The following KLHL31 variants were observed in gnomAD, a reference collection of about 807,000 sequenced individuals.
The protein encoded by KLHL31 is kelch-like protein 31.
Under a neutral mutation model 47.1 loss-of-function variants are expected in KLHL31, and 32 were observed. The ratio of observed to expected loss-of-function variants is 0.68; its 90% CI spans 0.51 to 0.91. KLHL31 has a LOEUF of 0.91. KLHL31 is among the 40% of genes least tolerant of loss of function. The probability of loss-of-function intolerance (pLI) is 0.00; values close to 1 mark genes in which losing one functional copy is unlikely to be tolerated. For synonymous variants in KLHL31, 330 were observed against 325.1 expected (o/e 1.01, Z -0.16); for missense variants, 797 against 819.3 (o/e 0.97, Z 0.33).
intron 1 of KLHL31, among the ~76,000 whole-genome samples, chr6:53,660,595 C>T (rs1050221508): frequency 1.3e-5 from 2 of 152,166 alleles, no homozygotes; most frequent in African/African-American, 4.8e-5. Flanking sequence ...GGGTGGATCA[C>T]TTGAGGCCAG....
At position 53,652,243 on chromosome 6, in the gene KLHL31, G is replaced by C. The variant is rs377599975; in HGVS notation, c.1260C>G (p.Leu420=). 1.5e-4 allele frequency: 248 copies of C among 1,613,908 alleles called. No homozygotes were observed. Among genetic ancestry groups the C allele is most frequent in the Non-Finnish European group, 1.9e-4 (222 of 1,180,050 alleles). The change falls in exon 3 of 3, where the codon CTC becomes CTG. Residue 420 remains leucine (L), a synonymous_variant. Transcript: ENST00000370905. ...CGTTGCGGCCGCCCGCGGCGTACAC[G>C]AGCCCGTTGAACACGCTCAGGCTGA... The part of the protein sequence containing the change: ...THFSLSVFNG[L]VYAAGGRNAE...
chr6:53,660,784 T>C (rs1764633217), intron 1 of KLHL31, among the ~76,000 whole-genome samples: 1 of 152,196 alleles, frequency 6.6e-6, no homozygotes, highest in African/African-American at 2.4e-5. Flanking sequence ...ACCACTGCCC[T>C]CCAGCCTGGG....
At chr6:53,663,762 T>C (rs1239936403) in intron 1 of KLHL31, among the ~76,000 whole-genome samples, 1 of 152,208 alleles carries the variant, frequency 6.6e-6, no homozygotes, top group African/African-American at 2.4e-5. Context: ...TCTTTCCTAG[T>C]ATTTTGTGTG....
intron 1 of KLHL31, among the ~76,000 whole-genome samples, chr6:53,661,397 GCAAACA>G (rs1440145433): frequency 6.6e-6 from 1 of 152,100 alleles, no homozygotes; most frequent in Non-Finnish European, 1.5e-5. Flanking sequence ...CACACTGGGT[GCAAACA>G]AACACACACC....
In KLHL31 at chr6:53,652,114, G is replaced by A. The variant is rs761430836; in HGVS notation, c.1389C>T (p.Val463=). 6.2e-7 allele frequency: 1 copy of A among 1,600,960 alleles called. No individual in the cohort carries two copies. The highest frequency in any genetic ancestry group is 1.1e-5 in the South Asian group (1 of 90,866). The change falls in exon 3 of 3, where the codon GTC becomes GTT. Residue 463 remains valine, a synonymous_variant. Transcript: ENST00000370905. ...CGGTCACCAGCACGCGGCCGTCGGCGACCGCGCTAGCGTGGCAGCAGCGCG... is the reference window on the plus strand; with the variant it reads ...CGGTCACCAGCACGCGGCCGTCGGCAACCGCGCTAGCGTGGCAGCAGCGCG... ...EVARCCHASA[V]ADGRVLVTGG...
At chr6:53,663,120 G>C (rs971061892) in intron 1 of KLHL31, among the ~76,000 whole-genome samples, 7 of 152,184 alleles carry the variant, frequency 4.6e-5, no homozygotes, top group Non-Finnish European at 8.8e-5. Context: ...AAGTAAGTGT[G>C]CAGTGTGTGC....
rs758530175 is a variant in KLHL31 at position 53,654,698 on chromosome 6, T to C, written c.575A>G (p.Gln192Arg). Residue 192 changes from glutamine to arginine, a missense_variant, in exon 2 of 3, where the codon CAG (glutamine) becomes CGG (arginine). Physicochemically the swap from Gln to Arg is conservative, Grantham distance 43. Coordinates refer to ENST00000370905, the MANE Select transcript of KLHL31 (RefSeq NM_001003760.5). ...AAGGAAGTTATCCCGAATAAATTTC[T>C]GGGCTGCTGCTTTTGCATTTTTTAG... ...YSLKNAKAAA[Q>R]KFIRDNFLEF... is the part of the protein sequence containing the mutation. 6.8e-6 allele frequency: 11 copies of C among 1,614,110 alleles called. No homozygotes were observed. Among genetic ancestry groups the C allele is most frequent in the Non-Finnish European group, 8.5e-6 (10 of 1,180,048 alleles).
Position 53,651,926 on chromosome 6 carries a change from C to A in KLHL31, c.1577G>T (p.Arg526Leu). The change falls in exon 3 of 3, where the codon CGC becomes CTC. Residue 526 changes from arginine (R) to leucine (L), a missense_variant. Coordinates refer to ENST00000370905, the MANE Select transcript of KLHL31 (RefSeq NM_001003760.5). ...GGTGAGCACGTCCACGCGCTCCCCGCGCGGCCCCAGCTGGCTGCCGCCCAT... is the reference window on the plus strand; with the variant it reads ...GGTGAGCACGTCCACGCGCTCCCCGAGCGGCCCCAGCTGGCTGCCGCCCAT... ...YVMGGSQLGP[R>L]GERVDVLTVE... The A allele has an allele frequency of 6.3e-7, 1 of 1,589,066 alleles. No homozygotes were observed. Among genetic ancestry groups the A allele is most frequent in the Non-Finnish European group, 8.5e-7 (1 of 1,174,092 alleles).
In KLHL31 at chr6:53,652,048, G is replaced by T. The variant is rs757131920; in HGVS notation, c.1455C>A (p.Ala485=). The T allele has an allele frequency of 1.3e-6, 2 of 1,594,282 alleles. No individual in the cohort carries two copies. ...IANAYSRSVC[A]YDPASDSWQE... is the part of the protein sequence containing the mutation. ...GCCACGAGTCGCTGGCCGGGTCGTA[G>T]GCGCACACAGAGCGCGAGTAGGCGT... is the stretch of plus-strand genomic sequence containing the variant. The change falls in exon 3 of 3, where the codon GCC becomes GCA. Residue 485 remains alanine, a synonymous_variant. Coordinates refer to ENST00000370905, the MANE Select transcript of KLHL31 (RefSeq NM_001003760.5).
intron 1 of KLHL31, among the ~76,000 whole-genome samples, chr6:53,657,216 G>A (rs1764575046): frequency 6.6e-6 from 1 of 152,084 alleles, no homozygotes; most frequent in African/African-American, 2.4e-5. Flanking sequence ...TAGGATTACA[G>A]GCATGAGCCA....
chr6:53,664,369 C>T (rs898976833), intron 1 of KLHL31, among the ~76,000 whole-genome samples: 5 of 152,146 alleles, frequency 3.3e-5, no homozygotes, highest in African/African-American at 9.7e-5. Context: ...ATGAGTCCTG[C>T]GGAATAGTCT....
chr6:53,660,950 T>C (rs1339179268), intron 1 of KLHL31, among the ~76,000 whole-genome samples: 2 of 152,174 alleles, frequency 1.3e-5, no homozygotes, highest in Non-Finnish European at 1.5e-5. Context: ...CTGCAACTCA[T>C]AGGTAAGGCT....
rs563895471 is a variant in KLHL31, at chr6:53,647,973, A to G, written c.*3625T>C. 1.2e-4 allele frequency: 18 copies of G among 152,776 alleles called. 1 individual carries two copies. The South Asian group carries it at 3.7e-3, about 32-fold the overall frequency. The allele number at this position is 152,776 out of a possible 1,614,324, so 9.5% of individuals were successfully genotyped here. A position where few individuals can be genotyped will look rare whatever the true frequency, so the allele number is the denominator to read the frequency against. ...TGATGAGATTACAAAATAACACTACATACATTTTAGTTTGTTGTTCCTTAT... is the reference window on the plus strand; with the variant it reads ...TGATGAGATTACAAAATAACACTACGTACATTTTAGTTTGTTGTTCCTTAT... On this transcript the variant is annotated 3_prime_UTR_variant, in exon 3 of 3. Transcript: ENST00000370905.
At chr6:53,655,601 CTTTTTTTCT>C (rs1459167005) in intron 1 of KLHL31, among the ~76,000 whole-genome samples, 15 of 100,600 alleles carry the variant, frequency 1.5e-4, no homozygotes, top group African/African-American at 1.9e-4. Context: ...TTTCTTTTTT[CTTTTTTTCT>C]TTTTTTTTTT....
intron 2 of KLHL31, 195 bp from the exon 3 acceptor site, chr6:53,652,525 G>A: frequency 1.5e-6 from 1 of 646,828 alleles, no homozygotes; most frequent in Non-Finnish European, 2.6e-6. Context: ...GACAAAGCAG[G>A]CATTGACCAC....
chr6:53,662,353 G>A (rs2501881), intron 1 of KLHL31, among the ~76,000 whole-genome samples: 151,140 of 152,314 alleles, frequency 0.99, 75,002 homozygotes, highest in Middle Eastern at 1. Flanking sequence ...CACTGTTCCT[G>A]CCAGTAGGAA....
rs1416293672 is a variant in KLHL31, at chr6:53,651,638, G to T, written c.1865C>A (p.Ser622Tyr). The part of the protein sequence containing the change: ...LSMPNNVTRE[S>Y]RASSVSSVPV... ...CACAGAAGATACCGAACTGGCCCGG[G>T]ATTCCCGAGTCACGTTGTTGGGCAT... Residue 622 changes from serine (S) to tyrosine (Y), a missense_variant, in exon 3 of 3, where the codon TCC becomes TAC. Transcript: ENST00000370905. 1 of 1,614,146 alleles carries T rather than the reference G, an allele frequency of 6.2e-7. No homozygotes were observed. Among genetic ancestry groups the T allele is most frequent in the East Asian group, 2.2e-5 (1 of 44,874 alleles).
Position 53,650,971 on chromosome 6 carries a change from C to T in KLHL31, c.*627G>A, listed in dbSNP as rs1247134114. 6.6e-6 allele frequency: 1 copy of T among 152,024 alleles called. No individual in the cohort carries two copies. The highest frequency in any genetic ancestry group is 1.5e-5 in the Non-Finnish European group (1 of 68,008). 9.4% of individuals were successfully genotyped at this position (152,024 alleles called of 1,614,324 possible). ...CACAAAGGTTATCAAATTTAGGGTC[C>T]CTGGGTGGAATCCCTATTCCTTTTC... On this transcript the variant is annotated 3_prime_UTR_variant, in exon 3 of 3. Transcript: ENST00000370905.
Position 53,654,506 on chromosome 6 carries a change from C to T in KLHL31, c.767G>A (p.Ser256Asn), listed in dbSNP as rs776841697. The T allele has an allele frequency of 6.2e-7, 1 of 1,614,050 alleles. No individual in the cohort carries two copies. The highest frequency in any genetic ancestry group is 8.5e-7 in the Non-Finnish European group (1 of 1,180,048). Residue 256 changes from serine (S) to asparagine (N), a missense_variant, in exon 2 of 3, where the codon AGC (serine) becomes AAC (asparagine). Transcript: ENST00000370905. ...KRVKYAADLL[S>N]NIRFGTISAQ... ...AGAGATGGTACCAAAGCGAATATTG[C>T]TCAAAAGATCTGCAGCGTATTTTAC...
Sources: allele counts gnomAD v4.1 joint callset (sites outside exome capture counted in the v4.1 genomes callset), GRCh38; gene constraint gnomAD v4.1.1; transcripts MANE v1.5; gene names NCBI Gene and HGNC (gene_info 2026-07-23, HGNC 2026-07-21).